MGAT4C: variants seen among roughly 807,000 people sequenced by gnomAD.
MGAT4C encodes alpha-1,3-mannosyl-glycoprotein 4-beta-N-acetylglucosaminyltransferase C.
MGAT4C carries 19 observed loss-of-function variants against 40.1 expected under a neutral mutation model. The ratio of observed to expected loss-of-function variants is 0.47; its 90% CI spans 0.33 to 0.70. MGAT4C has a LOEUF of 0.70. MGAT4C is among the 30% of genes least tolerant of loss of function. MGAT4C has a pLI of 0.02. For missense variants in MGAT4C, 491 were observed against 563.2 expected, an observed-to-expected ratio of 0.87 and a Z score of 1.30; for synonymous variants, 181 against 187.1, an observed-to-expected ratio of 0.97 and a Z score of 0.27.
At chr12:86,815,364 TG>T (rs767096264) in intron 1 of MGAT4C, among the ~76,000 whole-genome samples, 3 of 151,884 alleles carry the variant, frequency 2.0e-5, no homozygotes, top group Non-Finnish European at 4.4e-5. Context: ...GGCATGGATG[TG>T]GTAAACAGGC....
At chr12:86,445,226 C>T (rs1477753631) in intron 2 of MGAT4C, among the ~76,000 whole-genome samples, 5 of 152,224 alleles carry the variant, frequency 3.3e-5, no homozygotes, top group African/African-American at 9.6e-5. Flanking sequence ...AATAAGTTCA[C>T]ACATAAAACC....
chr12:86,822,446 A>T (rs1326848994), intron 1 of MGAT4C, among the ~76,000 whole-genome samples: 1 of 151,168 alleles, frequency 6.6e-6, no homozygotes, highest in Non-Finnish European at 1.5e-5. Context: ...AATGCTGTCT[A>T]CAAAAATCTC....
At chr12:86,724,153 A>G (rs974456981) in intron 2 of MGAT4C, among the ~76,000 whole-genome samples, 4 of 152,200 alleles carry the variant, frequency 2.6e-5, no homozygotes, top group African/African-American at 9.6e-5. Context: ...TAAGTATGAA[A>G]TGTTGCCTTT....
intron 2 of MGAT4C, among the ~76,000 whole-genome samples, chr12:86,459,843 G>C (rs1009438799): frequency 7.3e-5 from 11 of 151,436 alleles, no homozygotes; most frequent in Non-Finnish European, 1.5e-4. Context: ...CTCACCCTAG[G>C]ACAGCAAGGA....
chr12:86,473,758 G>C (rs1957788135), intron 2 of MGAT4C, among the ~76,000 whole-genome samples: 1 of 152,258 alleles, frequency 6.6e-6, no homozygotes, highest in East Asian at 1.9e-4. Context: ...CCCTAAGATA[G>C]AGTGATATTC....
chr12:86,570,270 T>C (rs919563105), intron 2 of MGAT4C, among the ~76,000 whole-genome samples: 1 of 151,422 alleles, frequency 6.6e-6, no homozygotes, highest in Admixed American at 6.6e-5. Context: ...AATGTATACA[T>C]ATATTTAAAT....
At chr12:86,706,834 G>C (rs938461276) in intron 2 of MGAT4C, among the ~76,000 whole-genome samples, 2 of 152,126 alleles carry the variant, frequency 1.3e-5, no homozygotes, top group African/African-American at 4.8e-5. Context: ...ATCTCATCTT[G>C]AATTCCCACA....
At chr12:86,304,558 CA>C (rs1281322762) in intron 4 of MGAT4C, among the ~76,000 whole-genome samples, 1 of 150,588 alleles carries the variant, frequency 6.6e-6, no homozygotes. Flanking sequence ...CTTACATATT[CA>C]AAATGGGAAA....
intron 4 of MGAT4C, among the ~76,000 whole-genome samples, chr12:86,262,401 C>A (rs1366865326): frequency 6.6e-6 from 1 of 152,062 alleles, no homozygotes; most frequent in African/African-American, 2.4e-5. Context: ...TGCCATCTTT[C>A]TTTTTATCTA....
At chr12:86,413,435 C>G (rs1956645181) in intron 3 of MGAT4C, among the ~76,000 whole-genome samples, 1 of 152,120 alleles carries the variant, frequency 6.6e-6, no homozygotes, top group Non-Finnish European at 1.5e-5. Context: ...GTATACAGAG[C>G]TAGAATCATA....
At chr12:86,581,245 C>T (rs566422147) in intron 2 of MGAT4C, among the ~76,000 whole-genome samples, 1 of 151,344 alleles carries the variant, frequency 6.6e-6, no homozygotes, top group African/African-American at 2.4e-5. Flanking sequence ...CTAGCCACTA[C>T]CTTAGTGGTT....
intron 1 of MGAT4C, among the ~76,000 whole-genome samples, chr12:86,752,372 C>T (rs1178707974): frequency 6.6e-6 from 1 of 151,944 alleles, no homozygotes; most frequent in Non-Finnish European, 1.5e-5. Context: ...CTTGATTATT[C>T]CAGTTTTAAA....
At chr12:86,281,429 G>A (rs1953216188) in intron 4 of MGAT4C, among the ~76,000 whole-genome samples, 2 of 151,808 alleles carry the variant, frequency 1.3e-5, no homozygotes, top group Admixed American at 1.3e-4. Flanking sequence ...GATGTAGATA[G>A]AAATAGAGAT....
Position 86,586,371 on chromosome 12 carries a change from T to A in MGAT4C, c.-229+140838A>T, listed in dbSNP as rs1452148705. Among the ~76,000 whole-genome samples the A allele has an allele frequency of 4.8e-4, 27 of 56,564 alleles. 1 individual carries two copies. Among genetic ancestry groups the A allele is most frequent in the African/African-American group, 1.2e-3 (26 of 21,596 alleles). 37.1% of individuals were successfully genotyped at this position (56,564 alleles called of 152,430 possible). Reference sequence around the variant, plus strand: ...ATCATTGTTGGACATTTGGGTTGGTTCCAAGTCTTTGCTATTGTGAATAGT... The same window carrying A: ...ATCATTGTTGGACATTTGGGTTGGTACCAAGTCTTTGCTATTGTGAATAGT... On this transcript the variant is annotated intron_variant, in intron 2 of 7. Transcript: ENST00000548651.
chr12:86,670,465 A>C (rs1406004715), intron 2 of MGAT4C, among the ~76,000 whole-genome samples: 1 of 152,146 alleles, frequency 6.6e-6, no homozygotes, highest in African/African-American at 2.4e-5. Flanking sequence ...AGTAGACTAA[A>C]CCAAGCAAAA....
At chr12:86,308,338 AC>A (rs1439784922) in intron 4 of MGAT4C, among the ~76,000 whole-genome samples, 5 of 150,608 alleles carry the variant, frequency 3.3e-5, no homozygotes, top group Non-Finnish European at 7.4e-5. Context: ...AAACAGCAAC[AC>A]TATTCCTGCT....
chr12:86,044,383 T>A (rs1592766289), intron 2 of MGAT4C, among the ~76,000 whole-genome samples: 1 of 152,156 alleles, frequency 6.6e-6, no homozygotes, highest in African/African-American at 2.4e-5. Flanking sequence ...GCATGGTGGG[T>A]TACATGTTCA....
intron 2 of MGAT4C, among the ~76,000 whole-genome samples, chr12:86,584,925 C>A (rs1593011908): frequency 6.6e-6 from 1 of 151,296 alleles, no homozygotes; most frequent in East Asian, 1.9e-4. Flanking sequence ...TTATGTAAAG[C>A]AGCAATATTA....
At chr12:86,154,056 T>C (rs368378641) in intron 1 of MGAT4C, among the ~76,000 whole-genome samples, 8 of 152,214 alleles carry the variant, frequency 5.3e-5, no homozygotes, top group East Asian at 3.8e-4. Flanking sequence ...GGGATTCATA[T>C]TGGGACAAAA....
Sources: allele counts gnomAD v4.1 joint callset (sites outside exome capture counted in the v4.1 genomes callset), GRCh38; gene constraint gnomAD v4.1.1; transcripts MANE v1.5; gene names NCBI Gene and HGNC (gene_info 2026-07-23, HGNC 2026-07-21).